PCTP: variants seen among roughly 807,000 people sequenced by gnomAD.
The protein encoded by PCTP is phosphatidylcholine transfer protein, also known as START domain-containing protein 2.
Under a neutral mutation model 31.0 loss-of-function variants are expected in PCTP, and 27 were observed. That is an observed-to-expected ratio of 0.87 (90% CI 0.64 to 1.20). The LOEUF (loss-of-function observed/expected upper bound fraction) is 1.20. Among genes scored for constraint, PCTP ranks in the 50% most tolerant of loss-of-function variants. The pLI is 0.00. For synonymous variants in PCTP, 108 were observed against 101.2 expected (o/e 1.07, Z -0.40); for missense variants, 287 against 268.2 (o/e 1.07, Z -0.49).
At chr17:55,778,926 A>G (rs931967029), downstream of PCTP, among the ~76,000 whole-genome samples, 1 of 152,112 alleles carries the variant, frequency 6.6e-6, no homozygotes, top group Non-Finnish European at 1.5e-5. Flanking sequence ...TCCCTTGAAA[A>G]TGTTCCTATT....
At chr17:55,852,563 C>T in the PCTP span, among the ~76,000 whole-genome samples, 1 of 152,116 alleles carries the variant, frequency 6.6e-6, no homozygotes, top group Non-Finnish European at 1.5e-5. Flanking sequence ...TATATGTTCT[C>T]CTATTGATGA....
intron 5 of PCTP, among the ~76,000 whole-genome samples, chr17:55,841,952 TTTA>T (rs1173233841): frequency 1.3e-5 from 2 of 152,188 alleles, no homozygotes; most frequent in Admixed American, 6.5e-5. Flanking sequence ...GCTAATTCTC[TTTA>T]TTGAGATATA....
the PCTP span, among the ~76,000 whole-genome samples, chr17:55,849,160 G>A: frequency 0.013 from 1,962 of 151,830 alleles, 22 homozygotes; most frequent in South Asian, 0.043. Flanking sequence ...AAAAGTAAAT[G>A]AATAGGCAAA....
At chr17:55,849,434 C>A in the PCTP span, among the ~76,000 whole-genome samples, 1 of 152,080 alleles carries the variant, frequency 6.6e-6, no homozygotes. Flanking sequence ...ACAAGTCTGG[C>A]CAACATGGTG....
At chr17:55,752,124 T>G (rs563754237) in intron 1 of PCTP, among the ~76,000 whole-genome samples, 1 of 152,316 alleles carries the variant, frequency 6.6e-6, no homozygotes, top group South Asian at 2.1e-4. Flanking sequence ...ATGGCCCAGA[T>G]AAGTGAATAG....
chr17:55,774,785 T>C lies in PCTP; in HGVS notation c.512-7T>C, dbSNP rs754608596. ...TTTTCTGAATTGTCCTTTCTTTCCC[T>C]CTCTAGTTTTCATGTATTACTTCGA... On this transcript the variant is annotated splice_region_variant and splice_polypyrimidine_tract_variant and intron_variant, in intron 4 of 5. Transcript: ENST00000268896. The C allele has an allele frequency of 1.2e-6, 2 of 1,604,982 alleles. No homozygotes were observed. Among genetic ancestry groups the C allele is most frequent in the Admixed American group, 3.3e-5 (2 of 59,858 alleles).
rs747635553 is a variant in PCTP, at chr17:55,776,353, G to T, written c.*253G>T. On this transcript the variant is annotated 3_prime_UTR_variant, in exon 6 of 6. Transcript: ENST00000268896. Reference sequence around the variant, plus strand: ...CGCTCCCCCCATCCTGGGCTGGGCTGCCTTCTTCTACAGTTCAATATGGGG... The same window carrying T: ...CGCTCCCCCCATCCTGGGCTGGGCTTCCTTCTTCTACAGTTCAATATGGGG... 1.5e-6 allele frequency: 2 copies of T among 1,346,140 alleles called. No individual in the cohort carries two copies. Among genetic ancestry groups the T allele is most frequent in the Non-Finnish European group, 1.9e-6 (2 of 1,053,364 alleles). 83.4% of individuals were successfully genotyped at this position (1,346,140 alleles called of 1,614,324 possible).
intron 3 of PCTP, among the ~76,000 whole-genome samples, chr17:55,788,094 T>G (rs1427963482): frequency 6.6e-6 from 1 of 152,162 alleles, no homozygotes. Context: ...CCTTTCTACC[T>G]CTCTTCCGAA....
downstream of PCTP, among the ~76,000 whole-genome samples, chr17:55,781,196 T>G (rs536953260): frequency 4.6e-5 from 7 of 152,358 alleles, no homozygotes; most frequent in South Asian, 1.5e-3. Context: ...CAGTTTCATT[T>G]AATGTGATCA....
intron 1 of PCTP, among the ~76,000 whole-genome samples, chr17:55,760,760 A>G (rs894606645): frequency 1.3e-5 from 2 of 151,996 alleles, no homozygotes; most frequent in African/African-American, 4.8e-5. Context: ...GGGCAAACAC[A>G]CCAGGCTTAG....
chr17:55,756,023 G>T (rs1339497746), intron 1 of PCTP, among the ~76,000 whole-genome samples: 2 of 152,188 alleles, frequency 1.3e-5, no homozygotes, highest in African/African-American at 4.8e-5. Flanking sequence ...CTAGACCAGG[G>T]CTGCCATGGG....
intron 3 of PCTP, among the ~76,000 whole-genome samples, chr17:55,803,861 G>T (rs1404443421): frequency 6.8e-6 from 1 of 147,658 alleles, no homozygotes; most frequent in East Asian, 2.0e-4. Context: ...TTGACAAATG[G>T]ATCTAATTAA....
At chr17:55,821,214 G>A (rs1482968538) in intron 3 of PCTP, among the ~76,000 whole-genome samples, 3 of 152,178 alleles carry the variant, frequency 2.0e-5, no homozygotes, top group Non-Finnish European at 4.4e-5. Flanking sequence ...TGGCAATGAA[G>A]TACTGATACA....
At position 55,801,662 on chromosome 17, in the gene PCTP, C is replaced by T. The variant is rs541222257; in HGVS notation, c.317+14008C>T. ...TCAGAAATAAATAAGTTACTTGAAA[C>T]CAATGAGAACAAAGACACAATGTAC... On this transcript the variant is annotated intron_variant, in intron 3 of 3. Coordinates refer to the PCTP transcript ENST00000572536. Among the ~76,000 whole-genome samples the T allele has an allele frequency of 2.0e-5, 3 of 152,216 alleles. No homozygotes were observed. The South Asian group carries it at 6.2e-4, about 32-fold the overall frequency.
downstream of PCTP, among the ~76,000 whole-genome samples, chr17:55,781,431 A>G (rs889501375): frequency 4.6e-5 from 7 of 152,240 alleles, no homozygotes; most frequent in Non-Finnish European, 1.0e-4. Context: ...TGCTGAATAA[A>G]TGAAATCCAG....
At chr17:55,780,599 C>G (rs1202313587), downstream of PCTP, among the ~76,000 whole-genome samples, 1 of 152,214 alleles carries the variant, frequency 6.6e-6, no homozygotes, top group South Asian at 2.1e-4. Context: ...ATGTAGTCCA[C>G]TGCTTAGCAA....
chr17:55,824,716 G>C (rs577499416), downstream of PCTP, among the ~76,000 whole-genome samples: 1 of 152,258 alleles, frequency 6.6e-6, no homozygotes, highest in East Asian at 1.9e-4. Flanking sequence ...CCTTGGAGAA[G>C]ACCAAGGCTT....
chr17:55,770,943 G>T, intron 2 of PCTP, 163 bp from the exon 3 acceptor site: 1 of 560,648 alleles, frequency 1.8e-6, no homozygotes. Context: ...ATATTTCCCA[G>T]GCTGGTCTTG....
intron 3 of PCTP, among the ~76,000 whole-genome samples, chr17:55,793,478 T>G (rs553556498): frequency 6.6e-6 from 1 of 152,252 alleles, no homozygotes; most frequent in African/African-American, 2.4e-5. Flanking sequence ...TAAAGCTGAT[T>G]CATCATCTGA....
Sources: gnomAD v4.1 joint callset for allele counts (sites outside exome capture counted in the v4.1 genomes callset) on GRCh38, gnomAD v4.1.1 for gene constraint, MANE v1.5 for transcripts, NCBI Gene and HGNC (gene_info 2026-07-23, HGNC 2026-07-21) for gene names.